PITPNB: variants seen among roughly 807,000 people sequenced by gnomAD.
PITPNB encodes the protein phosphatidylinositol transfer protein beta, also known as phosphatidylinositol transfer protein beta isoform.
In PITPNB, 16 loss-of-function variants were observed where a neutral mutation model predicts 45.9. The observed-to-expected ratio is 0.35, with a 90% CI of 0.24 to 0.53. The LOEUF is 0.53. Ranked by LOEUF, PITPNB falls within the 20% of genes least tolerant of loss-of-function variation. The pLI, the probability that PITPNB is intolerant of heterozygous loss-of-function variation, is 0.93. For synonymous variants in PITPNB, 112 were observed against 108.9 expected (o/e 1.03, Z -0.18); for missense variants, 188 against 330.5 (o/e 0.57, Z 3.34).
chr22:27,912,850 C>T (rs1416956590), intron 2 of PITPNB, among the ~76,000 whole-genome samples: 2 of 151,544 alleles, frequency 1.3e-5, no homozygotes, highest in African/African-American at 4.8e-5. Flanking sequence ...GGTGCGGTGG[C>T]GGGTGCCTGT....
intron 7 of PITPNB, among the ~76,000 whole-genome samples, chr22:27,882,455 T>G (rs1569017481): frequency 6.6e-6 from 1 of 152,198 alleles, no homozygotes; most frequent in Non-Finnish European, 1.5e-5. Flanking sequence ...AGGACACTGT[T>G]CTTACTACCA....
At chr22:27,868,182 C>T (rs762363010) in intron 8 of PITPNB, among the ~76,000 whole-genome samples, 2 of 152,122 alleles carry the variant, frequency 1.3e-5, no homozygotes, top group African/African-American at 4.8e-5. Context: ...ACAGACAAGT[C>T]GAGGCTAAGA....
chr22:27,903,590 A>G lies in PITPNB; in HGVS notation c.198-5698T>C, dbSNP rs1238046899. ...CCAGGAGTTGGAGACCAGCCTGGGCAATACAGGGAGACCCCCCACCTCTAC... is the reference window on the plus strand; with the variant it reads ...CCAGGAGTTGGAGACCAGCCTGGGCGATACAGGGAGACCCCCCACCTCTAC... On this transcript the variant is annotated intron_variant, in intron 3 of 11. Transcript: ENST00000335272. 2.0e-5 allele frequency among the ~76,000 whole-genome samples: 3 copies of G among 151,734 alleles called. No homozygotes were observed. The East Asian group carries it at 5.8e-4, about 29-fold the overall frequency.
At chr22:27,914,202 T>C in intron 2 of PITPNB, 115 bp downstream of exon 2, 1 of 687,722 alleles carries the variant, frequency 1.5e-6, no homozygotes, top group Non-Finnish European at 2.6e-6. Flanking sequence ...ATTAATTTTG[T>C]CACATAAGGT....
intron 3 of PITPNB, among the ~76,000 whole-genome samples, chr22:27,906,425 C>A (rs1388863574): frequency 1.3e-5 from 2 of 152,302 alleles, no homozygotes; most frequent in Middle Eastern, 3.4e-3. Flanking sequence ...TTTCTCTAAA[C>A]TCCCAAGGAG....
intron 3 of PITPNB, among the ~76,000 whole-genome samples, chr22:27,898,611 A>G (rs1011053244): frequency 1.3e-5 from 2 of 152,182 alleles, no homozygotes; most frequent in Admixed American, 6.5e-5. Flanking sequence ...TCTCTGAATA[A>G]AAGTCTGAAT....
chr22:27,886,688 G>A (rs1372304126), intron 7 of PITPNB, among the ~76,000 whole-genome samples: 1 of 152,116 alleles, frequency 6.6e-6, no homozygotes, highest in East Asian at 1.9e-4. Context: ...TAAAATATTT[G>A]GGGCTGCATT....
At chr22:27,896,772 C>T (rs147238181) in intron 5 of PITPNB, 146 bp from the exon 6 acceptor site, 4 of 622,802 alleles carry the variant, frequency 6.4e-6, no homozygotes, top group East Asian at 5.5e-5. Flanking sequence ...CATTGGCTAC[C>T]GATTTTTATA....
chr22:27,867,915 G>T lies in PITPNB; in HGVS notation c.534+5823C>A, dbSNP rs1934532123. On this transcript the variant is annotated intron_variant, in intron 8 of 11. Coordinates refer to ENST00000335272, the MANE Select transcript of PITPNB (RefSeq NM_012399.5). ...GAACAGCTTTTTTTTGGTATCTTCTGTAGGAGTTAATATAATTAGTACATA... is the reference window on the plus strand; with the variant it reads ...GAACAGCTTTTTTTTGGTATCTTCTTTAGGAGTTAATATAATTAGTACATA... 2.6e-5 allele frequency among the ~76,000 whole-genome samples: 4 copies of T among 151,978 alleles called. No homozygotes were observed. In the South Asian group the frequency reaches 8.3e-4, roughly 31 times the overall value.
At chr22:27,913,279 C>G (rs1268317847) in intron 2 of PITPNB, among the ~76,000 whole-genome samples, 1 of 152,180 alleles carries the variant, frequency 6.6e-6, no homozygotes, top group Admixed American at 6.5e-5. Flanking sequence ...GACAGCTACT[C>G]TTTTTCACTT....
At chr22:27,894,779 G>A (rs370030681) in intron 6 of PITPNB, 141 bp from the exon 7 acceptor site, 387 of 481,888 alleles carry the variant, frequency 8.0e-4, no homozygotes, top group African/African-American at 6.9e-3. Flanking sequence ...TATATTAGCT[G>A]TCTGACATTT....
intron 7 of PITPNB, among the ~76,000 whole-genome samples, chr22:27,880,626 AT>A (rs968393695): frequency 4.5e-3 from 663 of 146,276 alleles, no homozygotes; most frequent in Non-Finnish European, 6.1e-3. Flanking sequence ...GTACACACCG[AT>A]TTTTTTTTTT....
intron 7 of PITPNB, among the ~76,000 whole-genome samples, chr22:27,878,145 G>A (rs1025403156): frequency 6.6e-6 from 1 of 152,242 alleles, no homozygotes; most frequent in South Asian, 2.1e-4. Context: ...ACTTAGCAAG[G>A]CTTATTTCCT....
intron 7 of PITPNB, among the ~76,000 whole-genome samples, chr22:27,876,796 T>C (rs889632263): frequency 3.3e-5 from 5 of 152,262 alleles, no homozygotes; most frequent in African/African-American, 4.8e-5. Flanking sequence ...CTACCAATTA[T>C]AGCTGCAAAT....
intron 3 of PITPNB, among the ~76,000 whole-genome samples, chr22:27,905,390 T>A (rs922655248): frequency 1.3e-5 from 2 of 152,160 alleles, no homozygotes; most frequent in African/African-American, 4.8e-5. Context: ...CTTCAAATAA[T>A]CCACCCGCCT....
At chr22:27,869,387 TTGTC>T (rs1934581862) in intron 8 of PITPNB, among the ~76,000 whole-genome samples, 1 of 152,148 alleles carries the variant, frequency 6.6e-6, no homozygotes, top group East Asian at 1.9e-4. Context: ...GCTAAAAAAA[TTGTC>T]TGTACTCTTA....
intron 3 of PITPNB, among the ~76,000 whole-genome samples, chr22:27,909,333 TG>T (rs1935853158): frequency 6.6e-6 from 1 of 150,990 alleles, no homozygotes; most frequent in South Asian, 2.1e-4. Flanking sequence ...TCCCAAGTTC[TG>T]GGATTATAGG....
intron 1 of PITPNB, among the ~76,000 whole-genome samples, chr22:27,917,024 T>A (rs1601436522): frequency 6.6e-6 from 1 of 152,256 alleles, no homozygotes; most frequent in East Asian, 1.9e-4. Context: ...CCGACATTAC[T>A]TAAGAAACAG....
chr22:27,882,783 CAT>C (rs1935010067), intron 7 of PITPNB, among the ~76,000 whole-genome samples: 1 of 152,204 alleles, frequency 6.6e-6, no homozygotes, highest in Non-Finnish European at 1.5e-5. Flanking sequence ...GGAGCACTCA[CAT>C]ACTACACAAC....
Sources: gnomAD v4.1 joint callset for allele counts (sites outside exome capture counted in the v4.1 genomes callset) on GRCh38, gnomAD v4.1.1 for gene constraint, MANE v1.5 for transcripts, NCBI Gene and HGNC (gene_info 2026-07-23, HGNC 2026-07-21) for gene names.